Variants in B3GALT1 observed in about 807,000 individuals in gnomAD.
B3GALT1 encodes UDP-Gal:betaGlcNAc beta 1,3-galactosyltransferase, polypeptide 1.
Under a neutral mutation model 23.2 loss-of-function variants are expected in B3GALT1, and 10 were observed. The observed-to-expected ratio is 0.43, with a 90% confidence interval of 0.27 to 0.73. The LOEUF (loss-of-function observed/expected upper bound fraction) is 0.73. Among genes scored for constraint, B3GALT1 ranks in the 30% least tolerant of loss-of-function variants. The pLI is 0.21. For synonymous variants in B3GALT1, 156 were observed against 141.5 expected (o/e 1.10, Z -0.73); for missense variants, 299 against 405.4 (o/e 0.74, Z 2.25).
intron 3 of B3GALT1, among the ~76,000 whole-genome samples, chr2:167,750,473 A>G (rs926882723): frequency 3.3e-5 from 5 of 152,196 alleles, no homozygotes; most frequent in African/African-American, 9.6e-5. Context: ...TGAGCCTAGA[A>G]AAGCCAAGTT....
At chr2:167,825,387 A>G (rs1293195845) in intron 4 of B3GALT1, among the ~76,000 whole-genome samples, 1 of 150,220 alleles carries the variant, frequency 6.7e-6, no homozygotes, top group Non-Finnish European at 1.5e-5. Context: ...AAAGGAGACA[A>G]TGTTAGTCAG....
At chr2:167,710,515 C>G (rs958425146) in intron 3 of B3GALT1, among the ~76,000 whole-genome samples, 2 of 152,208 alleles carry the variant, frequency 1.3e-5, no homozygotes, top group African/African-American at 4.8e-5. Flanking sequence ...GCCTGCCTTT[C>G]ATTTAGAATT....
At chr2:167,349,455 A>G (rs540055927) in intron 1 of B3GALT1, among the ~76,000 whole-genome samples, 1 of 152,340 alleles carries the variant, frequency 6.6e-6, no homozygotes, top group Admixed American at 6.5e-5. Flanking sequence ...AGAGGCCGTA[A>G]AGTGCTTCCT....
chr2:167,671,101 A>G (rs1686318131), intron 3 of B3GALT1, among the ~76,000 whole-genome samples: 1 of 152,232 alleles, frequency 6.6e-6, no homozygotes, highest in Admixed American at 6.5e-5. Flanking sequence ...AGGTCATCAT[A>G]TAATGACAAA....
intron 3 of B3GALT1, among the ~76,000 whole-genome samples, chr2:167,705,446 T>C (rs1686953283): frequency 6.6e-6 from 1 of 152,188 alleles, no homozygotes; most frequent in Non-Finnish European, 1.5e-5. Flanking sequence ...TTGGGGAACC[T>C]TATAAGAAGA....
At chr2:167,775,750 A>C (rs1164678707) in intron 3 of B3GALT1, among the ~76,000 whole-genome samples, 1 of 150,518 alleles carries the variant, frequency 6.6e-6, no homozygotes, top group East Asian at 2.0e-4. Context: ...ACAGTATGGC[A>C]TATATTACCA....
At chr2:167,812,473 C>G (rs1281932768) in intron 3 of B3GALT1, among the ~76,000 whole-genome samples, 1 of 152,138 alleles carries the variant, frequency 6.6e-6, no homozygotes, top group Non-Finnish European at 1.5e-5. Context: ...TACCAAAATT[C>G]TTTGTGAAAC....
intron 1 of B3GALT1, among the ~76,000 whole-genome samples, chr2:167,447,134 C>A (rs190652634): frequency 3.9e-4 from 60 of 152,306 alleles, no homozygotes; most frequent in African/African-American, 1.3e-3. Context: ...CCACTCCAGA[C>A]CCTGTTTGCC....
At chr2:167,460,382 G>A (rs1343320616) in intron 1 of B3GALT1, among the ~76,000 whole-genome samples, 1 of 151,844 alleles carries the variant, frequency 6.6e-6, no homozygotes, top group Admixed American at 6.6e-5. Context: ...TCCCTGCTCT[G>A]CCTTTGACTC....
chr2:167,504,074 C>G (rs1485092985), intron 2 of B3GALT1, among the ~76,000 whole-genome samples: 2 of 152,180 alleles, frequency 1.3e-5, no homozygotes, highest in Non-Finnish European at 2.9e-5. Context: ...TTCCTGGCTT[C>G]CTGGGCAGAT....
chr2:167,686,451 G>GT (rs1173807337), intron 3 of B3GALT1, among the ~76,000 whole-genome samples: 3 of 152,174 alleles, frequency 2.0e-5, no homozygotes, highest in Admixed American at 1.3e-4. Flanking sequence ...AATCTAGATT[G>GT]TTTTTTGTGC....
chr2:167,590,339 C>T (rs1375446843), intron 2 of B3GALT1, among the ~76,000 whole-genome samples: 4 of 88,234 alleles, frequency 4.5e-5, no homozygotes, highest in African/African-American at 1.4e-4. Context: ...GAGCAAGACT[C>T]TGTCTCAAAA....
chr2:167,326,011 A>C (rs865944335), intron 1 of B3GALT1, among the ~76,000 whole-genome samples: 2 of 151,802 alleles, frequency 1.3e-5, no homozygotes, highest in African/African-American at 4.8e-5. Context: ...CCAGTGTGCC[A>C]GGCCTTCCCT....
At position 167,870,147 on chromosome 2, in the gene B3GALT1, A is replaced by ATAAG. The variant is rs1690314579; in HGVS notation, c.*129_*132dup. 9.9e-7 allele frequency: 1 copy of ATAAG among 1,006,014 alleles called. No homozygotes were observed. Among genetic ancestry groups the ATAAG allele is most frequent in the South Asian group, 2.0e-5 (1 of 49,670 alleles). The allele number at this position is 1,006,014 out of a possible 1,614,324, so 62.3% of individuals were successfully genotyped here. A position where few individuals can be genotyped will look rare whatever the true frequency, so the allele number is the denominator to read the frequency against. On this transcript the variant is annotated 3_prime_UTR_variant, in exon 5 of 5. Coordinates refer to ENST00000392690, the MANE Select transcript of B3GALT1 (RefSeq NM_020981.4). Reference sequence around the variant, plus strand: ...TTTTGTAAAGTTTTTGCTTCCTGCTATAAGTTCTTTTCTTGGATTACCAAT... The same window carrying ATAAG: ...TTTTGTAAAGTTTTTGCTTCCTGCTATAAGTAAGTTCTTTTCTTGGATTACCAAT...
intron 2 of B3GALT1, among the ~76,000 whole-genome samples, chr2:167,532,303 A>G (rs903331635): frequency 1.3e-5 from 2 of 152,184 alleles, no homozygotes; most frequent in Admixed American, 6.5e-5. Context: ...ACTGTAGCAT[A>G]ATAAAGAAAT....
chr2:167,732,218 G>A (rs1687420509), intron 3 of B3GALT1, among the ~76,000 whole-genome samples: 1 of 152,136 alleles, frequency 6.6e-6, no homozygotes, highest in Non-Finnish European at 1.5e-5. Flanking sequence ...GCCAAAATTA[G>A]AATACATTAA....
chr2:167,356,007 A>C (rs911331773), intron 1 of B3GALT1, among the ~76,000 whole-genome samples: 2 of 152,198 alleles, frequency 1.3e-5, no homozygotes, highest in African/African-American at 4.8e-5. Context: ...GTTCTACAGT[A>C]ATGTTTACAG....
At chr2:167,743,173 T>C (rs1471935703) in intron 3 of B3GALT1, among the ~76,000 whole-genome samples, 2 of 152,140 alleles carry the variant, frequency 1.3e-5, no homozygotes, top group African/African-American at 4.8e-5. Context: ...AAACTCCTAC[T>C]AATAGATTTT....
At chr2:167,603,451 A>G (rs1684908386) in intron 2 of B3GALT1, among the ~76,000 whole-genome samples, 1 of 152,232 alleles carries the variant, frequency 6.6e-6, no homozygotes, top group African/African-American at 2.4e-5. Context: ...GTATCCTGGT[A>G]TCCATCATGG....
Sources: allele counts gnomAD v4.1 joint callset (sites outside exome capture counted in the v4.1 genomes callset), GRCh38; gene constraint gnomAD v4.1.1; transcripts MANE v1.5; gene names NCBI Gene and HGNC (gene_info 2026-07-23, HGNC 2026-07-21).